CCDC90B: variants seen among roughly 807,000 people sequenced by gnomAD.
CCDC90B encodes coiled-coil domain containing 90B, also known as coiled-coil domain-containing protein 90B, mitochondrial.
In CCDC90B, 24 loss-of-function variants were observed where a neutral mutation model predicts 37.0. The ratio of observed to expected loss-of-function variants is 0.65; its 90% CI spans 0.47 to 0.91. CCDC90B has a LOEUF of 0.91. Among genes scored for constraint, CCDC90B ranks in the 40% least tolerant of loss-of-function variants. The probability of loss-of-function intolerance (pLI) is 0.00; values close to 1 mark genes in which losing one functional copy is unlikely to be tolerated. For synonymous variants in CCDC90B, 113 were observed against 101.1 expected, an observed-to-expected ratio of 1.12 and a Z score of -0.71; for missense variants, 319 against 299.0, an observed-to-expected ratio of 1.07 and a Z score of -0.49.
In CCDC90B at chr11:83,278,822, G is replaced by C; in HGVS notation, c.228C>G (p.Asp76Glu). Reference sequence around the variant, plus strand: ...ATACAATTGTTTCTGCTTGTGTTTTGTCAAATCCTGTAGGCAGCAAATAGG... The same window carrying C: ...ATACAATTGTTTCTGCTTGTGTTTTCTCAAATCCTGTAGGCAGCAAATAGG... ...LVQDLETHGF[D>E]KTQAETIVSA... is the part of the protein sequence containing the mutation. Residue 76 changes from aspartate to glutamate, a missense_variant, in exon 3 of 9, where the codon GAC becomes GAG. Coordinates refer to ENST00000529689, the MANE Select transcript of CCDC90B (RefSeq NM_021825.5). The C allele has an allele frequency of 6.2e-7, 1 of 1,610,104 alleles. No individual in the cohort carries two copies. The highest frequency in any genetic ancestry group is 8.5e-7 in the Non-Finnish European group (1 of 1,176,740).
In CCDC90B at chr11:83,273,881, G is replaced by A; in HGVS notation, c.469-17C>T. On this transcript the variant is annotated splice_polypyrimidine_tract_variant and intron_variant, in intron 5 of 8. Transcript: ENST00000529689. The stretch of plus-strand genomic sequence containing the variant: ...GGTTTCATGCTTTAAAGAAAGCAAA[G>A]ATATTTAAAAAATGATCTTGTAACG... 1 of 1,595,556 alleles carries A rather than the reference G, an allele frequency of 6.3e-7. No individual in the cohort carries two copies. The highest frequency in any genetic ancestry group is 8.5e-7 in the Non-Finnish European group (1 of 1,173,852).
At chr11:83,279,965 C>T (rs186390556) in intron 2 of CCDC90B, among the ~76,000 whole-genome samples, 176 bp downstream of exon 2, 75 of 152,034 alleles carry the variant, frequency 4.9e-4, no homozygotes, top group Middle Eastern at 3.4e-3. Flanking sequence ...TGAACATTCC[C>T]CATATCAGTA....
intron 3 of CCDC90B, among the ~76,000 whole-genome samples, chr11:83,277,900 G>A (rs910366796): frequency 6.6e-6 from 1 of 151,970 alleles, no homozygotes; most frequent in Non-Finnish European, 1.5e-5. Context: ...TCTCTGTGCT[G>A]TAAAATACTT....
intron 3 of CCDC90B, among the ~76,000 whole-genome samples, chr11:83,276,757 A>T (rs906385077): frequency 6.6e-6 from 1 of 152,232 alleles, no homozygotes; most frequent in African/African-American, 2.4e-5. Flanking sequence ...TTAAATGTAC[A>T]CATAATCCAT....
intron 8 of CCDC90B, among the ~76,000 whole-genome samples, chr11:83,265,100 A>T (rs1040003098): frequency 3.3e-5 from 5 of 152,122 alleles, no homozygotes; most frequent in African/African-American, 1.2e-4. Flanking sequence ...TAAAACTTAT[A>T]AAAAAAATTT....
chr11:83,284,454 A>G (rs1480893710), intron 1 of CCDC90B, among the ~76,000 whole-genome samples: 1 of 152,248 alleles, frequency 6.6e-6, no homozygotes, highest in East Asian at 1.9e-4. Flanking sequence ...GGAATTCAAA[A>G]GAACAGGCAT....
At chr11:83,263,284 T>C (rs1864039196) in intron 8 of CCDC90B, among the ~76,000 whole-genome samples, 1 of 152,212 alleles carries the variant, frequency 6.6e-6, no homozygotes. Flanking sequence ...TGAAGTATAC[T>C]CTACTTCAGT....
intron 8 of CCDC90B, among the ~76,000 whole-genome samples, chr11:83,265,099 TA>T (rs1175030195): frequency 1.3e-5 from 2 of 151,894 alleles, no homozygotes; most frequent in South Asian, 2.1e-4. Context: ...CTAAAACTTA[TA>T]AAAAAAATTT....
chr11:83,267,100 T>A (rs920803304), intron 7 of CCDC90B: 5 of 152,170 alleles, frequency 3.3e-5, no homozygotes, highest in Non-Finnish European at 5.9e-5. Context: ...CAAAACCCCA[T>A]CTGTAGGTCA....
chr11:83,274,488 T>C (rs573853818), intron 4 of CCDC90B, 151 bp downstream of exon 4: 36 of 497,748 alleles, frequency 7.2e-5, no homozygotes, highest in Non-Finnish European at 1.2e-4. Context: ...AGATTAGGTA[T>C]GGTTAAACAA....
chr11:83,286,208 C>G lies in CCDC90B; in HGVS notation c.-236G>C, dbSNP rs1485500521. 1 of 1,531,068 alleles carries G rather than the reference C, an allele frequency of 6.5e-7. No individual in the cohort carries two copies. The highest frequency in any genetic ancestry group is 1.4e-5 in the African/African-American group (1 of 72,926). 94.8% of individuals were successfully genotyped at this position (1,531,068 alleles called of 1,614,324 possible). On this transcript the variant is annotated 5_prime_UTR_variant, in exon 1 of 9. Coordinates refer to ENST00000529689, the MANE Select transcript of CCDC90B (RefSeq NM_021825.5). ...TGCCCCGCTTCTCCCAGCGCCCCTT[C>G]CCGACCTTTGAACGCCTTCACCGCC...
intron 3 of CCDC90B, among the ~76,000 whole-genome samples, chr11:83,275,494 A>G (rs753799927): frequency 1.3e-5 from 2 of 150,908 alleles, no homozygotes; most frequent in Non-Finnish European, 3.0e-5. Flanking sequence ...GGGATGCTCA[A>G]CTGGTAACTG....
intron 3 of CCDC90B, among the ~76,000 whole-genome samples, chr11:83,275,274 A>C (rs1864955028): frequency 6.6e-6 from 1 of 152,212 alleles, no homozygotes; most frequent in Non-Finnish European, 1.5e-5. Context: ...TGTGAAAGGT[A>C]GCACTTACCT....
Position 83,286,302 on chromosome 11 carries a change from A to C in CCDC90B, c.-330T>G. 1 of 1,030,716 alleles carries C rather than the reference A, an allele frequency of 9.7e-7. No individual in the cohort carries two copies. The highest frequency in any genetic ancestry group is 1.4e-6 in the Non-Finnish European group (1 of 720,172). The allele number at this position is 1,030,716 out of a possible 1,614,324, so 63.8% of individuals were successfully genotyped here. On this transcript the variant is annotated 5_prime_UTR_variant, in exon 1 of 9. Transcript: ENST00000529689. ...TCCTGGCAGTGGGGCATAGTCCAAC[A>C]GCTGGCTCCCCCAAGATAGCCAGCG...
rs753051326 is a variant in CCDC90B at position 83,285,857 on chromosome 11, C to G, written c.100+16G>C. 2 of 1,606,132 alleles carry G rather than the reference C, an allele frequency of 1.2e-6. No homozygotes were observed. The highest frequency in any genetic ancestry group is 1.1e-5 in the South Asian group (1 of 90,010). On this transcript the variant is annotated intron_variant, in intron 1 of 8. Coordinates refer to ENST00000529689, the MANE Select transcript of CCDC90B (RefSeq NM_021825.5). Reference sequence around the variant, plus strand: ...AGAGAGCACTCAGGCATCTATGACACGACGCCTTGCCTCACCTCTCCGCAG... The same window carrying G: ...AGAGAGCACTCAGGCATCTATGACAGGACGCCTTGCCTCACCTCTCCGCAG...
At chr11:83,266,265 G>T (rs901937028) in intron 7 of CCDC90B, among the ~76,000 whole-genome samples, 6 of 152,192 alleles carry the variant, frequency 3.9e-5, no homozygotes, top group Admixed American at 6.5e-5. Context: ...TGGACAGTGG[G>T]TGCAGCGCAC....
chr11:83,268,518 T>C (rs1864439198), intron 7 of CCDC90B, among the ~76,000 whole-genome samples: 1 of 151,674 alleles, frequency 6.6e-6, no homozygotes, highest in Admixed American at 6.6e-5. Context: ...AGAAGGCCAT[T>C]ACATAATGGT....
At chr11:83,278,226 A>G (rs1422288368) in intron 3 of CCDC90B, among the ~76,000 whole-genome samples, 1 of 152,226 alleles carries the variant, frequency 6.6e-6, no homozygotes, top group Non-Finnish European at 1.5e-5. Context: ...TGCCACTTAC[A>G]TGTTAAATTC....
At chr11:83,264,591 G>C (rs1864134518) in intron 8 of CCDC90B, among the ~76,000 whole-genome samples, 1 of 152,126 alleles carries the variant, frequency 6.6e-6, no homozygotes, top group East Asian at 1.9e-4. Context: ...TTCCCTTTGA[G>C]GGTAACCCGA....
Sources: gnomAD v4.1 joint callset for allele counts (sites outside exome capture counted in the v4.1 genomes callset) on GRCh38, gnomAD v4.1.1 for gene constraint, MANE v1.5 for transcripts, NCBI Gene and HGNC (gene_info 2026-07-23, HGNC 2026-07-21) for gene names.